Variants in MSH6 observed in about 807,000 individuals in gnomAD.
The protein encoded by MSH6 is mutS homolog 6.
A neutral mutation model predicts 119.1 loss-of-function variants in MSH6; 85 were observed. The ratio of observed to expected loss-of-function variants is 0.71; its 90% confidence interval spans 0.60 to 0.85. MSH6 has a LOEUF of 0.85. Among genes scored for constraint, MSH6 ranks in the 40% least tolerant of loss-of-function variants. The pLI, the probability that MSH6 is intolerant of heterozygous loss-of-function variation, is 0.00. For synonymous variants in MSH6, 830 were observed against 586.9 expected, an observed-to-expected ratio of 1.41 and a Z score of -5.99; for missense variants, 2,163 against 1,655.3, an observed-to-expected ratio of 1.31 and a Z score of -5.32.
At position 47,800,272 on chromosome 2, in the gene MSH6, T is replaced by C. The variant is rs137946937; in HGVS notation, c.2289T>C (p.Asp763=). Reference sequence around the variant, plus strand: ...AAGGAACCCTACTAGAGAGGGTTGATACTTGCCATACTCCTTTTGGTAAGC... The same window carrying C: ...AAGGAACCCTACTAGAGAGGGTTGACACTTGCCATACTCCTTTTGGTAAGC... ...STEGTLLERV[D]TCHTPFGKRL... is the part of the protein sequence containing the mutation. Residue 763 remains aspartate (D), a synonymous_variant, in exon 4 of 10, where the codon GAT becomes GAC. Transcript: ENST00000234420. The C allele has an allele frequency of 8.7e-6, 14 of 1,614,078 alleles. No individual in the cohort carries two copies. In the African/African-American group the frequency reaches 1.7e-4, roughly 20 times the overall value.
In MSH6 at chr2:47,806,772, T is replaced by A. The variant is rs758628285; in HGVS notation, c.4002-7T>A. 6.3e-7 allele frequency: 1 copy of A among 1,585,066 alleles called. No individual in the cohort carries two copies. ...AAAACTTTTTTTTTTTTTTTTTTAA[T>A]TTTAAGGGAAGTTTGCCTGGCTAGT... On this transcript the variant is annotated splice_region_variant and splice_polypyrimidine_tract_variant and intron_variant, in intron 9 of 9. Coordinates refer to ENST00000234420, the MANE Select transcript of MSH6 (RefSeq NM_000179.3).
At chr2:47,796,814 A>C (rs1669126416) in intron 3 of MSH6, among the ~76,000 whole-genome samples, 1 of 152,118 alleles carries the variant, frequency 6.6e-6, no homozygotes. Flanking sequence ...TACAAAAATT[A>C]GCTGGGCGTG....
Position 47,790,932 on chromosome 2 carries a change from A to G in MSH6, c.266A>G (p.Asp89Gly), listed in dbSNP as rs1311655109. The G allele has an allele frequency of 6.2e-7, 1 of 1,614,184 alleles. No individual in the cohort carries two copies. ...GTATTTCCTTTTGGCAACAGTTGTG[A>G]CTTCTCACCAGGAGATTTGGTTTGG... Reference protein sequence around the residue: ...SVAPAAPTSCDFSPGDLVWAK... With the variant: ...SVAPAAPTSCGFSPGDLVWAK... The change falls in exon 2 of 10, where the codon GAC becomes GGC. Residue 89 changes from aspartate to glycine, a missense_variant. Asp to Gly is a moderately conservative substitution (Grantham distance 94). Transcript: ENST00000234420.
rs876659115 is a variant in MSH6, at chr2:47,806,491, G to C, written c.3841G>C (p.Glu1281Gln). 11 of 1,613,898 alleles carry C rather than the reference G, an allele frequency of 6.8e-6. No homozygotes were observed. The highest frequency in any genetic ancestry group is 5.0e-5 in the Admixed American group (3 of 59,974). Residue 1281 changes from glutamate to glutamine, a missense_variant, in exon 9 of 10, where the codon GAG becomes CAG. Coordinates refer to ENST00000234420, the MANE Select transcript of MSH6 (RefSeq NM_000179.3). Reference sequence around the variant, plus strand: ...AAATGAATGTGAAGACCCCAGCCAGGAGACTATTACGTTCCTCTATAAATT... The same window carrying C: ...AAATGAATGTGAAGACCCCAGCCAGCAGACTATTACGTTCCTCTATAAATT... ...VENECEDPSQ[E>Q]TITFLYKFIK...
chr2:47,807,997 G>A, downstream of MSH6: 15 of 875,554 alleles, frequency 1.7e-5, no homozygotes, highest in South Asian at 2.5e-4. Context: ...AACTGACCTT[G>A]TGTATCCATT....
intron 4 of MSH6, 54 bp from the exon 5 acceptor site, chr2:47,803,366 G>C (rs1572734684): frequency 6.2e-7 from 1 of 1,612,276 alleles, no homozygotes; most frequent in Admixed American, 1.7e-5. Flanking sequence ...AAAACACTTA[G>C]GCTGATAAAA....
At chr2:47,786,877 C>T (rs1358919951) in intron 1 of MSH6, among the ~76,000 whole-genome samples, 1 of 152,090 alleles carries the variant, frequency 6.6e-6, no homozygotes, top group African/African-American at 2.4e-5. Flanking sequence ...CTCAAGCGAT[C>T]CTCCCACTTC....
chr2:47,809,845 TA>T (rs1670487416), downstream of MSH6: 7 of 580,388 alleles, frequency 1.2e-5, no homozygotes, highest in South Asian at 1.6e-4. Context: ...AAAATGTAGA[TA>T]CCTATTTCAA....
Position 47,805,014 on chromosome 2 carries a change from C to T in MSH6, c.3543C>T (p.Asp1181=), listed in dbSNP as rs267608100. The change falls in exon 6 of 10, where the codon GAC becomes GAT. Residue 1181 remains aspartate (D), a synonymous_variant. Transcript: ENST00000234420. ...TGTTTACTAGACTTGGTGCCTCAGA[C>T]AGAATAATGTCAGGTGAGTTTTTTG... ...DRVFTRLGAS[D]RIMSGESTFF... is the part of the protein sequence containing the mutation. 6.2e-7 allele frequency: 1 copy of T among 1,611,688 alleles called. No individual in the cohort carries two copies. Among genetic ancestry groups the T allele is most frequent in the Non-Finnish European group, 8.5e-7 (1 of 1,177,824 alleles).
At chr2:47,788,922 G>GTTTTTGTTTTTTTTT (rs1668541219) in intron 1 of MSH6, among the ~76,000 whole-genome samples, 1 of 40,932 alleles carries the variant, frequency 2.4e-5, no homozygotes, top group African/African-American at 1.0e-4. Context: ...TTTTTTTTTT[G>GTTTTTGTTTTTTTTT]TTTTTTTTTT....
Position 47,798,623 on chromosome 2 carries a change from T to C in MSH6, c.640T>C (p.Tyr214His). The C allele has an allele frequency of 6.2e-7, 1 of 1,610,738 alleles. No homozygotes were observed. Among genetic ancestry groups the C allele is most frequent in the Non-Finnish European group, 8.5e-7 (1 of 1,179,934 alleles). ...EEEEMEVGTT[Y>H]VTDKSEEDNE... is the part of the protein sequence containing the mutation. ...CCTTGCCTGGCAGGTAGGCACAACTTACGTAACAGATAAGAGTGAAGAAGA... is the reference window on the plus strand; with the variant it reads ...CCTTGCCTGGCAGGTAGGCACAACTCACGTAACAGATAAGAGTGAAGAAGA... The change falls in exon 4 of 10, where the codon TAC (tyrosine) becomes CAC (histidine). Residue 214 changes from tyrosine to histidine, a missense_variant. Physicochemically the swap from Tyr to His is moderately conservative, Grantham distance 83. Transcript: ENST00000234420.
At position 47,806,664 on chromosome 2, in the gene MSH6, C is replaced by G. The variant is rs761162725; in HGVS notation, c.4001+13C>G. 4 of 1,600,604 alleles carry G rather than the reference C, an allele frequency of 2.5e-6. No individual in the cohort carries two copies. Among genetic ancestry groups the G allele is most frequent in the East Asian group, 2.2e-5 (1 of 44,710 alleles). On this transcript the variant is annotated intron_variant, in intron 9 of 9. Transcript: ENST00000234420. ...TACGATTATTTCGGTAACTAACTAACTATAATGGAATTATAACTAACTGAC... is the reference window on the plus strand; with the variant it reads ...TACGATTATTTCGGTAACTAACTAAGTATAATGGAATTATAACTAACTGAC...
intron 2 of MSH6, among the ~76,000 whole-genome samples, chr2:47,792,738 C>A (rs968982021): frequency 6.6e-6 from 1 of 151,994 alleles, no homozygotes; most frequent in Non-Finnish European, 1.5e-5. Context: ...GGGATCATAG[C>A]TCACTGGAGC....
At chr2:47,804,781 C>A (rs556579364) in intron 5 of MSH6, 129 bp from the exon 6 acceptor site, 4 of 770,224 alleles carry the variant, frequency 5.2e-6, no homozygotes, top group African/African-American at 3.4e-5. Flanking sequence ...CAGAACAGAA[C>A]CAACGTACAT....
chr2:47,805,610 T>C lies in MSH6; in HGVS notation c.3557-8T>C. On this transcript the variant is annotated splice_polypyrimidine_tract_variant and splice_region_variant and intron_variant, in intron 6 of 9. Transcript: ENST00000234420. ...TGAGTATTCATTTGTGATTTTTTTT[T>C]TTTTAAGGTGAAAGTACATTTTTTG... The C allele has an allele frequency of 6.2e-7, 1 of 1,601,920 alleles. No individual in the cohort carries two copies. The highest frequency in any genetic ancestry group is 2.2e-5 in the East Asian group (1 of 44,820).
chr2:47,783,426 TCACCG>T lies in MSH6; in HGVS notation c.195_199del (p.Pro66GlnfsTer22). The T allele has an allele frequency of 6.6e-7, 1 of 1,506,980 alleles. No homozygotes were observed. The highest frequency in any genetic ancestry group is 8.9e-7 in the Non-Finnish European group (1 of 1,129,908). 93.4% of individuals were successfully genotyped at this position (1,506,980 alleles called of 1,614,324 possible). On this transcript the variant is annotated frameshift_variant, in exon 1 of 10. Transcript: ENST00000234420. LOFTEE classifies it high-confidence loss of function. ...GCCCAGGCCCTTGGCGCGCTCCGCG[TCACCG>T]CCCAAGGCGAAGAACCTCAACGGAG...
At chr2:47,796,806 C>T (rs929292898) in intron 3 of MSH6, among the ~76,000 whole-genome samples, 3 of 152,008 alleles carry the variant, frequency 2.0e-5, no homozygotes, top group Admixed American at 6.6e-5. Context: ...ATAAAAAATA[C>T]AAAAATTAGC....
chr2:47,793,912 A>G (rs1669717128), intron 2 of MSH6, among the ~76,000 whole-genome samples: 1 of 151,762 alleles, frequency 6.6e-6, no homozygotes, highest in South Asian at 2.1e-4. Context: ...TGTATTTTTC[A>G]GTAGAGTTGA....
intron 2 of MSH6, among the ~76,000 whole-genome samples, chr2:47,792,166 T>A (rs1301113580): frequency 6.6e-6 from 1 of 152,178 alleles, no homozygotes; most frequent in Admixed American, 6.5e-5. Flanking sequence ...TTTTTGTATT[T>A]TTAGTAGAGA....
Sources: allele counts gnomAD v4.1 joint callset (sites outside exome capture counted in the v4.1 genomes callset), GRCh38; gene constraint gnomAD v4.1.1; transcripts MANE v1.5; gene names NCBI Gene and HGNC (gene_info 2026-07-23, HGNC 2026-07-21).